The following ITPR2 variants were observed in gnomAD, a reference collection of about 807,000 sequenced individuals.
ITPR2 encodes inositol 1,4,5-trisphosphate receptor type 2.
In ITPR2, 207 loss-of-function variants were observed where a neutral mutation model predicts 317.1. The observed-to-expected ratio is 0.65, with a 90% CI of 0.58 to 0.73. The LOEUF (loss-of-function observed/expected upper bound fraction) is 0.73. ITPR2 is among the 30% of genes least tolerant of loss of function. ITPR2 has a pLI of 0.00. For missense variants in ITPR2, 2,613 were observed against 3,284.0 expected (o/e 0.80, Z 4.99); for synonymous variants, 1,156 against 1,149.1 (o/e 1.01, Z -0.12).
At chr12:26,387,730 T>C in intron 54 of ITPR2, 136 bp from the exon 55 acceptor site, 2 of 760,776 alleles carry the variant, frequency 2.6e-6, no homozygotes, top group East Asian at 5.4e-5. Flanking sequence ...AATGCTATGA[T>C]TAAAAACAAC....
At chr12:26,556,567 TGTG>T (rs1348147004) in intron 35 of ITPR2, among the ~76,000 whole-genome samples, 192 bp from the exon 36 acceptor site, 2 of 59,040 alleles carry the variant, frequency 3.4e-5, no homozygotes, top group Admixed American at 1.4e-4. Flanking sequence ...TTTTTTTTTT[TGTG>T]TGTGTGTGTG....
At chr12:26,759,071 C>T (rs1041669247) in intron 2 of ITPR2, among the ~76,000 whole-genome samples, 4 of 152,090 alleles carry the variant, frequency 2.6e-5, no homozygotes, top group African/African-American at 9.7e-5. Flanking sequence ...TATCACAGTA[C>T]CTAACACATA....
chr12:26,531,201 C>G (rs1943933837), intron 37 of ITPR2, among the ~76,000 whole-genome samples: 1 of 152,122 alleles, frequency 6.6e-6, no homozygotes, highest in Non-Finnish European at 1.5e-5. Flanking sequence ...TGTATTCTGC[C>G]CACTGAAATA....
intron 16 of ITPR2, 90 bp downstream of exon 16, chr12:26,659,023 T>A: frequency 9.8e-7 from 1 of 1,016,130 alleles, no homozygotes; most frequent in South Asian, 1.6e-5. Context: ...GTTAGTGATG[T>A]GAAAGAACTC....
intron 49 of ITPR2, among the ~76,000 whole-genome samples, chr12:26,424,594 T>TG (rs1406082912): frequency 3.7e-5 from 5 of 136,360 alleles, no homozygotes; most frequent in African/African-American, 1.4e-4. Flanking sequence ...GTGTTTTTTT[T>TG]TTTTTTTTTT....
At chr12:26,458,276 G>A (rs1285680110) in intron 45 of ITPR2, among the ~76,000 whole-genome samples, 2 of 152,156 alleles carry the variant, frequency 1.3e-5, no homozygotes, top group East Asian at 1.9e-4. Flanking sequence ...CGGTACGGGG[G>A]CCCAGGTGAA....
At chr12:26,737,019 C>T (rs925701850) in intron 2 of ITPR2, among the ~76,000 whole-genome samples, 3 of 152,026 alleles carry the variant, frequency 2.0e-5, no homozygotes, top group Admixed American at 1.3e-4. Flanking sequence ...TACATGTAAA[C>T]GAGGGAGGAA....
At chr12:26,810,854 C>T (rs1221330029) in intron 1 of ITPR2, among the ~76,000 whole-genome samples, 1 of 152,022 alleles carries the variant, frequency 6.6e-6, no homozygotes, top group Non-Finnish European at 1.5e-5. Context: ...TTTTTATAGA[C>T]AGGATCTCAC....
intron 37 of ITPR2, among the ~76,000 whole-genome samples, chr12:26,495,823 A>G (rs1020887795): frequency 6.6e-6 from 1 of 152,214 alleles, no homozygotes; most frequent in African/African-American, 2.4e-5. Context: ...AATTTAGTCA[A>G]AATAGCCAGA....
At chr12:26,435,885 CAATT>C (rs1941338997) in intron 48 of ITPR2, among the ~76,000 whole-genome samples, 1 of 152,020 alleles carries the variant, frequency 6.6e-6, no homozygotes, top group African/African-American at 2.4e-5. Context: ...TAGGTAACAA[CAATT>C]AATATTGGGC....
chr12:26,694,958 T>G (rs944290456), intron 10 of ITPR2, among the ~76,000 whole-genome samples: 1 of 152,146 alleles, frequency 6.6e-6, no homozygotes, highest in African/African-American at 2.4e-5. Flanking sequence ...TCTGATTGGT[T>G]TCACCTCCCC....
intron 38 of ITPR2, among the ~76,000 whole-genome samples, chr12:26,494,943 T>C (rs1414574774): frequency 1.3e-5 from 2 of 152,154 alleles, no homozygotes; most frequent in African/African-American, 4.8e-5. Context: ...TATAACTTAG[T>C]TTAACTATTT....
intron 34 of ITPR2, among the ~76,000 whole-genome samples, chr12:26,565,873 A>G (rs867381556): frequency 3.4e-3 from 118 of 34,606 alleles, no homozygotes; most frequent in African/African-American, 5.7e-3. Context: ...GGAGGGGAGG[A>G]GAGGAGAGGG....
At chr12:26,519,672 A>G (rs1359492123) in intron 37 of ITPR2, among the ~76,000 whole-genome samples, 1 of 152,274 alleles carries the variant, frequency 6.6e-6, no homozygotes, top group East Asian at 1.9e-4. Flanking sequence ...CAATTGGCAG[A>G]GATAAATGAT....
chr12:26,731,481 C>G (rs555471577), intron 2 of ITPR2, among the ~76,000 whole-genome samples: 1 of 152,236 alleles, frequency 6.6e-6, no homozygotes, highest in South Asian at 2.1e-4. Context: ...GGCAGGCAGA[C>G]AAGGGGCCAT....
chr12:26,495,075 G>C (rs1413553087), intron 38 of ITPR2, 77 bp downstream of exon 38: 5 of 815,534 alleles, frequency 6.1e-6, no homozygotes, highest in Non-Finnish European at 1.1e-5. Flanking sequence ...TGCCATTTCA[G>C]TAAAATACTA....
At chr12:26,796,857 AC>A (rs1320242467) in intron 1 of ITPR2, among the ~76,000 whole-genome samples, 1 of 151,422 alleles carries the variant, frequency 6.6e-6, no homozygotes, top group Non-Finnish European at 1.5e-5. Context: ...TGGTGAAACC[AC>A]CCCCGTCTCT....
intron 55 of ITPR2, among the ~76,000 whole-genome samples, chr12:26,352,279 C>T (rs752230427): frequency 3.3e-5 from 5 of 152,210 alleles, no homozygotes; most frequent in Non-Finnish European, 4.4e-5. Flanking sequence ...TTTCCATTCA[C>T]GGTAGTTGGA....
intron 55 of ITPR2, among the ~76,000 whole-genome samples, chr12:26,360,962 C>T (rs992966320): frequency 8.5e-5 from 13 of 152,084 alleles, no homozygotes; most frequent in African/African-American, 2.7e-4. Flanking sequence ...GCCTGTAATC[C>T]CAAAACTTTG....
Sources: gnomAD v4.1 joint callset for allele counts (sites outside exome capture counted in the v4.1 genomes callset) on GRCh38, gnomAD v4.1.1 for gene constraint, MANE v1.5 for transcripts, NCBI Gene and HGNC (gene_info 2026-07-23, HGNC 2026-07-21) for gene names.